SEM1: variants seen among roughly 807,000 people sequenced by gnomAD.
SEM1 encodes the protein 26S proteasome complex subunit SEM1.
SEM1 carries 3 observed loss-of-function variants against 12.7 expected under a neutral mutation model. The observed-to-expected ratio is 0.24, with a 90% confidence interval of 0.11 to 0.61. The LOEUF (loss-of-function observed/expected upper bound fraction) is 0.61, where lower values mean the gene tolerates loss of function less well. SEM1 is among the 20% of genes least tolerant of loss of function. SEM1 has a pLI of 0.88. For synonymous variants in SEM1, 30 were observed against 27.8 expected, an observed-to-expected ratio of 1.08 and a Z score of -0.25; for missense variants, 59 against 81.3, an observed-to-expected ratio of 0.73 and a Z score of 1.06.
intron 2 of SEM1, among the ~76,000 whole-genome samples, chr7:96,522,509 C>T (rs928075068): frequency 4.0e-5 from 6 of 151,454 alleles, no homozygotes; most frequent in African/African-American, 1.2e-4. Flanking sequence ...ATTAGCACTC[C>T]ACCATGGGAC....
At chr7:96,482,105 T>C (rs1802564806) in exon 4 of SEM1, 1 of 152,222 alleles carries the variant, frequency 6.6e-6, no homozygotes, top group Non-Finnish European at 1.5e-5. Flanking sequence ...ACTATTTTTC[T>C]CTTACGTCCT....
intron 2 of SEM1, among the ~76,000 whole-genome samples, chr7:96,591,293 A>C (rs975539563): frequency 2.7e-4 from 41 of 152,134 alleles, no homozygotes; most frequent in Non-Finnish European, 5.9e-5. Context: ...AGATTTACCT[A>C]CTCTTCATAA....
intron 2 of SEM1, among the ~76,000 whole-genome samples, chr7:96,519,900 T>C (rs1413345078): frequency 6.6e-6 from 1 of 152,052 alleles, no homozygotes; most frequent in African/African-American, 2.4e-5. Context: ...CTAACAGTCA[T>C]GTACTTGCAA....
At chr7:96,500,587 G>A (rs1001551585), upstream of SEM1, among the ~76,000 whole-genome samples, 3 of 152,062 alleles carry the variant, frequency 2.0e-5, no homozygotes, top group African/African-American at 7.2e-5. Context: ...GCATATTCCA[G>A]GGGGACCTCT....
intron 2 of SEM1, among the ~76,000 whole-genome samples, chr7:96,557,543 C>A (rs1294090204): frequency 6.8e-5 from 6 of 88,414 alleles, no homozygotes; most frequent in African/African-American, 1.7e-4. Flanking sequence ...AGGCAGTCTG[C>A]CCGTTCTCGT....
chr7:96,576,152 T>C (rs1220048635), intron 2 of SEM1, among the ~76,000 whole-genome samples: 1 of 152,212 alleles, frequency 6.6e-6, no homozygotes, highest in Non-Finnish European at 1.5e-5. Flanking sequence ...CCCTACATAA[T>C]TTTGTGTTTT....
chr7:96,532,177 C>T lies in SEM1; in HGVS notation c.171-25479G>A, dbSNP rs368180992. On this transcript the variant is annotated intron_variant and NMD_transcript_variant, in intron 2 of 3. Transcript: ENST00000466986. Reference sequence around the variant, plus strand: ...TTTCATTTTCCTAAATTCAAACAAGCTAAAACATGTTTTAAAAAAATCATT... The same window carrying T: ...TTTCATTTTCCTAAATTCAAACAAGTTAAAACATGTTTTAAAAAAATCATT... 4.2e-3 allele frequency among the ~76,000 whole-genome samples: 632 copies of T among 152,124 alleles called. 4 individuals are homozygous for T. The highest frequency in any genetic ancestry group is 0.014 in the African/African-American group (584 of 41,514).
intron 2 of SEM1, among the ~76,000 whole-genome samples, chr7:96,631,414 G>A (rs1581538): frequency 0.86 from 131,060 of 152,052 alleles, 57,526 homozygotes; most frequent in East Asian, 1. Context: ...ACTGAGCTCA[G>A]TGCCTCATAA....
At chr7:96,522,630 C>A (rs1804313950) in intron 2 of SEM1, among the ~76,000 whole-genome samples, 1 of 151,266 alleles carries the variant, frequency 6.6e-6, no homozygotes, top group Non-Finnish European at 1.5e-5. Context: ...GTAATCCCAG[C>A]ACTTTGGGAG....
chr7:96,608,186 C>A (rs1327778660), intron 2 of SEM1, among the ~76,000 whole-genome samples: 1 of 152,070 alleles, frequency 6.6e-6, no homozygotes, highest in Non-Finnish European at 1.5e-5. Flanking sequence ...ACTTGGTAGG[C>A]AAGAAGGAAA....
chr7:96,486,215 G>C (rs1475448271), exon 2 of SEM1: 1 of 1,535,674 alleles, frequency 6.5e-7, no homozygotes, highest in South Asian at 1.2e-5. Flanking sequence ...GCAGACCCAG[G>C]CTAACTCTGT....
At chr7:96,582,939 AT>A (rs1023021944) in intron 2 of SEM1, among the ~76,000 whole-genome samples, 2 of 152,202 alleles carry the variant, frequency 1.3e-5, no homozygotes, top group East Asian at 1.9e-4. Context: ...GGATTCATTA[AT>A]TTTTTGAAGG....
chr7:96,651,816 G>A (rs943117805), intron 2 of SEM1, among the ~76,000 whole-genome samples: 3 of 152,082 alleles, frequency 2.0e-5, no homozygotes, highest in South Asian at 2.1e-4. Flanking sequence ...CAAGTGATCC[G>A]CCTGCCTTGG....
chr7:96,622,164 T>C (rs1164768863), downstream of SEM1: 1 of 155,646 alleles, frequency 6.4e-6, no homozygotes, highest in East Asian at 1.9e-4. Flanking sequence ...CTTATCTTTA[T>C]GAGAAAAGGA....
intron 2 of SEM1, among the ~76,000 whole-genome samples, chr7:96,674,469 C>A (rs1789402132): frequency 6.6e-6 from 1 of 151,804 alleles, no homozygotes; most frequent in Non-Finnish European, 1.5e-5. Context: ...CCAGACTGGG[C>A]AACATAAGGA....
rs557884161 is a variant in SEM1 at position 96,683,680 on chromosome 7, A to C, written c.171-9821T>G. On this transcript the variant is annotated intron_variant, in intron 2 of 2. Coordinates refer to the SEM1 transcript ENST00000413065. Reference sequence around the variant, plus strand: ...GATAAAGAAAATGTGGCACATATACACCATGGAATACTATGCAGCCATAAA... The same window carrying C: ...GATAAAGAAAATGTGGCACATATACCCCATGGAATACTATGCAGCCATAAA... Among the ~76,000 whole-genome samples the C allele has an allele frequency of 2.6e-5, 4 of 152,334 alleles. No homozygotes were observed. In the South Asian group the frequency reaches 8.3e-4, roughly 32 times the overall value.
chr7:96,548,952 C>T (rs567640982), intron 2 of SEM1, among the ~76,000 whole-genome samples: 41 of 152,248 alleles, frequency 2.7e-4, no homozygotes, highest in African/African-American at 7.9e-4. Flanking sequence ...GAAATTGAGA[C>T]AGGGAGCGCA....
intron 3 of SEM1, among the ~76,000 whole-genome samples, chr7:96,504,644 A>G (rs1318838498): frequency 6.6e-6 from 1 of 152,156 alleles, no homozygotes; most frequent in Non-Finnish European, 1.5e-5. Context: ...AAATTATAAG[A>G]AAAGCTACAG....
chr7:96,604,175 A>C (rs1355210074), intron 2 of SEM1, among the ~76,000 whole-genome samples: 2 of 152,172 alleles, frequency 1.3e-5, no homozygotes. Context: ...ACCATTCTGC[A>C]CTTTCCATCA....
Sources: allele counts gnomAD v4.1 joint callset (sites outside exome capture counted in the v4.1 genomes callset), GRCh38; gene constraint gnomAD v4.1.1; transcripts MANE v1.5; gene names NCBI Gene and HGNC (gene_info 2026-07-23, HGNC 2026-07-21).